The following MET variants were observed in gnomAD, a reference collection of about 807,000 sequenced individuals.
MET encodes the protein hepatocyte growth factor receptor.
Under a neutral mutation model 133.1 loss-of-function variants are expected in MET, and 48 were observed. The ratio of observed to expected loss-of-function variants is 0.36; its 90% CI spans 0.29 to 0.46. The LOEUF (loss-of-function observed/expected upper bound fraction) is 0.46. Among genes scored for constraint, MET ranks in the 20% least tolerant of loss-of-function variants. The pLI, the probability that MET is intolerant of heterozygous loss-of-function variation, is 1.00. For synonymous variants in MET, 628 were observed against 616.5 expected (o/e 1.02, Z -0.28); for missense variants, 1,442 against 1,695.9 (o/e 0.85, Z 2.63).
intron 5 of MET, among the ~76,000 whole-genome samples, chr7:116,741,546 A>C (rs148354710): frequency 6.6e-6 from 1 of 152,222 alleles, no homozygotes; most frequent in Non-Finnish European, 1.5e-5. Flanking sequence ...TGGGGCACAC[A>C]GGACAGTTTT....
chr7:116,790,621 T>C (rs1795457815), intron 19 of MET, among the ~76,000 whole-genome samples: 1 of 152,234 alleles, frequency 6.6e-6, no homozygotes, highest in African/African-American at 2.4e-5. Context: ...CTTTTGTATA[T>C]ACACACAGAG....
chr7:116,778,076 GATGAA>G (rs1197303180), intron 16 of MET, among the ~76,000 whole-genome samples: 1 of 152,140 alleles, frequency 6.6e-6, no homozygotes, highest in Non-Finnish European at 1.5e-5. Flanking sequence ...ATCTTTTTAA[GATGAA>G]ATGCATACTC....
In MET at chr7:116,783,406, G is replaced by A. The variant is rs1323787899; in HGVS notation, c.3735G>A (p.Leu1245=). ...TACACAACAAAACAGGTGCAAAGCT[G>A]CCAGTGAAGTGGATGGCTTTGGAAA... ...YSVHNKTGAK[L]PVKWMALESL... Residue 1245 remains leucine, a synonymous_variant, in exon 19 of 21, where the codon CTG becomes CTA. Coordinates refer to ENST00000397752, the MANE Select transcript of MET (RefSeq NM_000245.4). 8 of 1,614,160 alleles carry A rather than the reference G, an allele frequency of 5.0e-6. No individual in the cohort carries two copies. Among genetic ancestry groups the A allele is most frequent in the Non-Finnish European group, 6.8e-6 (8 of 1,180,020 alleles).
At chr7:116,710,771 T>G (rs748833988) in intron 2 of MET, among the ~76,000 whole-genome samples, 40 of 152,318 alleles carry the variant, frequency 2.6e-4, no homozygotes, top group Non-Finnish European at 5.3e-4. Context: ...TGCTATTTGA[T>G]ATCTTATAAC....
At chr7:116,696,207 C>G (rs1427489606) in intron 1 of MET, among the ~76,000 whole-genome samples, 1 of 152,102 alleles carries the variant, frequency 6.6e-6, no homozygotes, top group Admixed American at 6.6e-5. Flanking sequence ...AGACTCGGCT[C>G]TAGCATCATT....
intron 1 of MET, among the ~76,000 whole-genome samples, chr7:116,685,139 C>T (rs1237533548): frequency 6.6e-6 from 1 of 152,280 alleles, no homozygotes; most frequent in Non-Finnish European, 1.5e-5. Context: ...ACTGCTCCTT[C>T]TTGGTCTCTT....
At chr7:116,754,983 G>GGAAAGAAAGAAAAAAA (rs1794104405) in intron 5 of MET, among the ~76,000 whole-genome samples, 2 of 78,694 alleles carry the variant, frequency 2.5e-5, no homozygotes, top group South Asian at 1.1e-3. Context: ...AGCAGAGAAA[G>GGAAAGAAAGAAAAAAA]GAAAGAAAGA....
At chr7:116,691,976 G>C (rs891679501) in intron 1 of MET, among the ~76,000 whole-genome samples, 4 of 152,148 alleles carry the variant, frequency 2.6e-5, no homozygotes, top group African/African-American at 9.7e-5. Flanking sequence ...AGAGTTGCCG[G>C]TATAAGAGAC....
intron 2 of MET, among the ~76,000 whole-genome samples, chr7:116,711,996 T>C (rs1209204260): frequency 6.6e-6 from 1 of 152,156 alleles, no homozygotes; most frequent in Non-Finnish European, 1.5e-5. Context: ...CGTTAGTCAC[T>C]GAACAACAAT....
At chr7:116,683,929 C>T (rs985720581) in intron 1 of MET, among the ~76,000 whole-genome samples, 9 of 152,338 alleles carry the variant, frequency 5.9e-5, no homozygotes, top group Admixed American at 6.5e-5. Context: ...AACACATTCA[C>T]AAGTGATCTC....
chr7:116,778,407 T>A (rs1223810503), intron 16 of MET, among the ~76,000 whole-genome samples: 1 of 152,258 alleles, frequency 6.6e-6, no homozygotes, highest in African/African-American at 2.4e-5. Context: ...TCAGTCTTTT[T>A]AAAATATAAA....
intron 18 of MET, 29 bp downstream of exon 18, chr7:116,782,126 C>T (rs2117060964): frequency 6.9e-7 from 1 of 1,441,080 alleles, no homozygotes; most frequent in Non-Finnish European, 9.8e-7. Context: ...GTGCCACAAT[C>T]CAAATTAAGT....
At chr7:116,684,079 A>G (rs1322856265) in intron 1 of MET, among the ~76,000 whole-genome samples, 1 of 152,184 alleles carries the variant, frequency 6.6e-6, no homozygotes, top group Admixed American at 6.5e-5. Flanking sequence ...AAGCTACATC[A>G]GGGTTATTAA....
At chr7:116,702,658 G>C (rs1033764040) in intron 2 of MET, among the ~76,000 whole-genome samples, 24 of 152,234 alleles carry the variant, frequency 1.6e-4, no homozygotes, top group African/African-American at 5.5e-4. Context: ...ATCAAGTTTG[G>C]TGAAAAGACA....
intron 13 of MET, 81 bp downstream of exon 13, chr7:116,771,735 T>G (rs2116994224): frequency 6.2e-7 from 1 of 1,608,190 alleles, no homozygotes; most frequent in Non-Finnish European, 8.5e-7. Context: ...TCGATTCTTG[T>G]GTGCTGTCTT....
At chr7:116,736,660 G>A (rs1366989926) in intron 3 of MET, among the ~76,000 whole-genome samples, 5 of 152,120 alleles carry the variant, frequency 3.3e-5, no homozygotes, top group Admixed American at 6.6e-5. Flanking sequence ...GGGGCTATGT[G>A]AGATCAAAAC....
At chr7:116,706,038 T>C (rs1791777824) in intron 2 of MET, among the ~76,000 whole-genome samples, 1 of 152,038 alleles carries the variant, frequency 6.6e-6, no homozygotes, top group Admixed American at 6.6e-5. Context: ...TTCACAAGTC[T>C]CTCTACCCCA....
intron 5 of MET, among the ~76,000 whole-genome samples, chr7:116,752,958 T>G (rs565155913): frequency 1.1e-3 from 167 of 152,274 alleles, no homozygotes; most frequent in South Asian, 7.1e-3. Context: ...TCTTGTTCTC[T>G]CCTACTGGAT....
rs751239059 is a variant in MET, at chr7:116,699,580, A to T, written c.496A>T (p.Ile166Leu). ...GGTTCACTGCATATTCTCCCCACAG[A>T]TAGAAGAGCCCAGCCAGTGTCCTGA... ...SEVHCIFSPQ[I>L]EEPSQCPDCV... Residue 166 changes from isoleucine (I) to leucine (L), a missense_variant, in exon 2 of 21, where the codon ATA becomes TTA. Physicochemically the swap from Ile to Leu is conservative, Grantham distance 5. This residue lies in a region of MET where 762 missense variants were observed against 792.4 expected (regional missense o/e 0.96). Coordinates refer to ENST00000397752, the MANE Select transcript of MET (RefSeq NM_000245.4). 2 of 1,613,982 alleles carry T rather than the reference A, an allele frequency of 1.2e-6. No homozygotes were observed. Among genetic ancestry groups the T allele is most frequent in the Non-Finnish European group, 1.7e-6 (2 of 1,179,936 alleles).
Sources: allele counts gnomAD v4.1 joint callset (sites outside exome capture counted in the v4.1 genomes callset), GRCh38; gene constraint gnomAD v4.1.1; regional missense constraint gnomAD v4.1.1; transcripts MANE v1.5; gene names NCBI Gene and HGNC (gene_info 2026-07-23, HGNC 2026-07-21).